HYPK: variants seen among roughly 807,000 people sequenced by gnomAD.
HYPK encodes huntingtin-interacting protein K.
HYPK carries 9 observed loss-of-function variants against 13.9 expected under a neutral mutation model. The observed-to-expected ratio is 0.65, with a 90% CI of 0.39 to 1.13. The LOEUF is 1.13. Among genes scored for constraint, HYPK ranks in the 50% most tolerant of loss-of-function variants. The probability of loss-of-function intolerance (pLI) is 0.01; values close to 1 mark genes in which losing one functional copy is unlikely to be tolerated. For missense variants in HYPK, 138 were observed against 157.6 expected (o/e 0.88, Z 0.67); for synonymous variants, 76 against 57.0 (o/e 1.33, Z -1.50).
At chr15:43,800,491 G>T (rs761400609), upstream of HYPK, 8 of 1,251,698 alleles carry the variant, frequency 6.4e-6, no homozygotes, top group Admixed American at 1.6e-4. Flanking sequence ...CTTCCTCCCT[G>T]AAGCTTCTAG....
At chr15:43,801,258 T>C (rs2087311545) in intron 2 of HYPK, 71 bp downstream of exon 2, 1 of 1,310,830 alleles carries the variant, frequency 7.6e-7, no homozygotes, top group Admixed American at 1.7e-5. Flanking sequence ...TAAAAACCAT[T>C]ATTAAGCCTT....
rs1376021388 is a variant in HYPK, at chr15:43,803,806, A to AC, written c.*2000_*2001insC. 6.6e-6 allele frequency among the ~76,000 whole-genome samples: 1 copy of AC among 151,656 alleles called. No homozygotes were observed. Among genetic ancestry groups the AC allele is most frequent in the African/African-American group, 2.4e-5 (1 of 41,206 alleles). On this transcript the variant is annotated 3_prime_UTR_variant, in exon 4 of 4. Coordinates refer to ENST00000442995, the MANE Select transcript of HYPK (RefSeq NM_016400.4). ...TCCATCTCAAAAAAAAAAAAAAAAA[A>AC]AATCAGCTTGGACCAACTCACACAT...
chr15:43,801,304 G>C (rs2087312268), intron 2 of HYPK, 117 bp downstream of exon 2: 2 of 988,528 alleles, frequency 2.0e-6, no homozygotes, highest in African/African-American at 1.6e-5. Context: ...AATTCCTGCA[G>C]ATCTAGGCGC....
intron 2 of HYPK, 148 bp downstream of exon 2, chr15:43,801,335 C>T (rs1245513268): frequency 1.7e-5 from 15 of 858,386 alleles, no homozygotes; most frequent in African/African-American, 3.4e-5. Context: ...CTCTTGTTAG[C>T]AGAAGGCCTC....
intron 1 of HYPK, 30 bp from the exon 2 acceptor site, chr15:43,801,102 G>C (rs773416848): frequency 3.5e-5 from 56 of 1,593,978 alleles, no homozygotes; most frequent in Non-Finnish European, 4.5e-5. Context: ...GTGGGTAGCG[G>C]TGCAGTAACT....
At position 43,800,795 on chromosome 15, in the gene HYPK, C is replaced by CCAA; in HGVS notation, c.162+12_162+14dup. 6.3e-7 allele frequency: 1 copy of CCAA among 1,599,062 alleles called. No homozygotes were observed. Among genetic ancestry groups the CCAA allele is most frequent in the South Asian group, 1.1e-5 (1 of 89,920 alleles). ...TCCAATCTGGAGACGGTAAGGTTGG[C>CCAA]CAAGAGCATGTCGGGGCGGGCTGAG... On this transcript the variant is annotated intron_variant, in intron 1 of 3. Transcript: ENST00000442995.
Position 43,801,729 on chromosome 15 carries a change from T to C in HYPK, c.289T>C (p.Ser97Pro), listed in dbSNP as rs12702. 180,472 of 1,613,902 alleles carry C rather than the reference T, an allele frequency of 0.11. 12,510 individuals are homozygous for C. Among genetic ancestry groups the C allele is most frequent in the African/African-American group, 0.28 (21,237 of 74,980 alleles). The change falls in exon 4 of 4, where the codon TCT (serine) becomes CCT (proline). Residue 97 changes from serine (S) to proline (P), a missense_variant. Ser to Pro is a moderately conservative substitution (Grantham distance 74). Transcript: ENST00000442995. The part of the protein sequence containing the change: ...LELIMTEMEI[S>P]RAAAERSLRE... Reference sequence around the variant, plus strand: ...TCTGCAGATGACTGAGATGGAGATATCTCGAGCAGCAGCAGAACGCAGTTT... The same window carrying C: ...TCTGCAGATGACTGAGATGGAGATACCTCGAGCAGCAGCAGAACGCAGTTT...
chr15:43,800,668 A>G lies in HYPK; in HGVS notation c.46A>G (p.Ser16Gly), dbSNP rs1013570027. The change falls in exon 1 of 4, where the codon AGT becomes GGT. Residue 16 changes from serine to glycine, a missense_variant. By Grantham distance (56) the Ser-to-Gly change is moderately conservative. Coordinates refer to ENST00000442995, the MANE Select transcript of HYPK (RefSeq NM_016400.4). ...DVELELETET[S>G]GPERPPEKPR... ...GGAGCTGGAGTTGGAGACTGAGACCAGTGGACCAGAGCGGCCTCCGGAGAA... is the reference window on the plus strand; with the variant it reads ...GGAGCTGGAGTTGGAGACTGAGACCGGTGGACCAGAGCGGCCTCCGGAGAA... 18 of 1,614,018 alleles carry G rather than the reference A, an allele frequency of 1.1e-5. No homozygotes were observed. Among genetic ancestry groups the G allele is most frequent in the East Asian group, 2.2e-5 (1 of 44,882 alleles).
In HYPK at chr15:43,802,716, A is replaced by C. The variant is rs1047859461; in HGVS notation, c.*910A>C. On this transcript the variant is annotated 3_prime_UTR_variant, in exon 4 of 4. Transcript: ENST00000442995. Reference sequence around the variant, plus strand: ...GTGAAACCCTGTCTCTACTAAAAATACAAAAAAAATAAAATTAGCCAGGCG... The same window carrying C: ...GTGAAACCCTGTCTCTACTAAAAATCCAAAAAAAATAAAATTAGCCAGGCG... The C allele has an allele frequency of 6.6e-6, 1 of 151,964 alleles. No individual in the cohort carries two copies. The highest frequency in any genetic ancestry group is 1.5e-5 in the Non-Finnish European group (1 of 68,086). The allele number at this position is 151,964 out of a possible 1,614,324, so 9.4% of individuals were successfully genotyped here. A position where few individuals can be genotyped will look rare whatever the true frequency, so the allele number is the denominator to read the frequency against.
chr15:43,801,295 A>C, intron 2 of HYPK, 108 bp downstream of exon 2: 1 of 1,041,106 alleles, frequency 9.6e-7, no homozygotes, highest in Non-Finnish European at 1.5e-6. Context: ...TTTATCACCA[A>C]TTCCTGCAGA....
chr15:43,800,999 A>G, intron 1 of HYPK, 133 bp from the exon 2 acceptor site: 1 of 914,356 alleles, frequency 1.1e-6, no homozygotes, highest in Non-Finnish European at 1.8e-6. Flanking sequence ...ATAGAATGGA[A>G]TTAAACATAG....
At position 43,803,253 on chromosome 15, in the gene HYPK, A is replaced by T. The variant is rs563278097; in HGVS notation, c.*1447A>T. Among the ~76,000 whole-genome samples, 1 of 151,364 alleles carries T rather than the reference A, an allele frequency of 6.6e-6. No homozygotes were observed. Reference sequence around the variant, plus strand: ...AAATTAAAAAAAAAAAAAGCCAGGCATGGTGGCATGTGCCTGTCTGTGGTC... The same window carrying T: ...AAATTAAAAAAAAAAAAAGCCAGGCTTGGTGGCATGTGCCTGTCTGTGGTC... On this transcript the variant is annotated 3_prime_UTR_variant, in exon 4 of 4. Coordinates refer to ENST00000442995, the MANE Select transcript of HYPK (RefSeq NM_016400.4).
Position 43,800,643 on chromosome 15 carries a change from G to A in HYPK, c.21G>A (p.Val7=). Residue 7 remains valine, a synonymous_variant, in exon 1 of 4, where the codon GTG becomes GTA. Transcript: ENST00000442995. The part of the protein sequence containing the change: MATEGD[V]ELELETETSG... ...TAGATATGGCGACCGAGGGGGATGT[G>A]GAGCTGGAGTTGGAGACTGAGACCA... The A allele has an allele frequency of 1.2e-6, 2 of 1,614,166 alleles. No homozygotes were observed. The highest frequency in any genetic ancestry group is 1.7e-6 in the Non-Finnish European group (2 of 1,180,028).
rs1272116975 is a variant in HYPK, at chr15:43,803,988, T to C, written c.*2182T>C. 2.0e-5 allele frequency among the ~76,000 whole-genome samples: 3 copies of C among 150,098 alleles called. No individual in the cohort carries two copies. ...TAACATGGTGAAACCCCGTCTCTAC[T>C]AAAAATACAAAAATTAGCCAGGCAT... is the stretch of plus-strand genomic sequence containing the variant. On this transcript the variant is annotated 3_prime_UTR_variant, in exon 4 of 4. Transcript: ENST00000442995.
Position 43,801,177 on chromosome 15 carries a change from A to G in HYPK, c.208A>G (p.Lys70Glu). The stretch of plus-strand genomic sequence containing the variant: ...CAGAAGGTCCCGGGAGCAGAAAGCC[A>G]AACAGGAGCGGTAAGTCTTCAGGGG... The part of the protein sequence containing the change: ...GDRRSREQKA[K>E]QEREKELAKV... Residue 70 changes from lysine (K) to glutamate (E), a missense_variant, in exon 2 of 4, where the codon AAA (lysine) becomes GAA (glutamate). Coordinates refer to ENST00000442995, the MANE Select transcript of HYPK (RefSeq NM_016400.4). The G allele has an allele frequency of 1.9e-6, 3 of 1,614,028 alleles. No homozygotes were observed. The highest frequency in any genetic ancestry group is 1.7e-6 in the Non-Finnish European group (2 of 1,179,924).
At chr15:43,801,645 C>A in intron 3 of HYPK, 66 bp from the exon 4 acceptor site, 1 of 1,605,588 alleles carries the variant, frequency 6.2e-7, no homozygotes, top group Non-Finnish European at 8.5e-7. Flanking sequence ...CTGAAACAAG[C>A]GGAGTCAGTA....
In HYPK at chr15:43,800,620, G is replaced by C. The variant is rs532597896; in HGVS notation, c.-3G>C. 1 of 1,614,176 alleles carries C rather than the reference G, an allele frequency of 6.2e-7. No homozygotes were observed. On this transcript the variant is annotated 5_prime_UTR_variant, in exon 1 of 4. Coordinates refer to ENST00000442995, the MANE Select transcript of HYPK (RefSeq NM_016400.4). ...GCTTATGCGGCGGCGTGGTGAAATA[G>C]ATATGGCGACCGAGGGGGATGTGGA...
rs1396423960 is a variant in HYPK at position 43,802,455 on chromosome 15, T to G, written c.*649T>G. 6.6e-6 allele frequency: 1 copy of G among 150,718 alleles called. No individual in the cohort carries two copies. The highest frequency in any genetic ancestry group is 1.5e-5 in the Non-Finnish European group (1 of 68,124). 9.3% of individuals were successfully genotyped at this position (150,718 alleles called of 1,614,324 possible). ...GGTGGGCGCCTATAATCCCAGCTAT[T>G]CTGGAGGCTGAGGCAGGAATCGCTT... is the stretch of plus-strand genomic sequence containing the variant. On this transcript the variant is annotated 3_prime_UTR_variant, in exon 4 of 4. Coordinates refer to ENST00000442995, the MANE Select transcript of HYPK (RefSeq NM_016400.4).
In HYPK at chr15:43,800,768, G is replaced by A; in HGVS notation, c.146G>A (p.Ser49Asn). The change falls in exon 1 of 4, where the codon AGT (serine) becomes AAT (asparagine). Residue 49 changes from serine (S) to asparagine (N), a missense_variant. Ser to Asn is a conservative substitution (Grantham distance 46). Coordinates refer to ENST00000442995, the MANE Select transcript of HYPK (RefSeq NM_016400.4). ...TATGCAGAGGAGAAGGAGATCCAGAGTTCCAATCTGGAGACGGTAAGGTTG... is the reference window on the plus strand; with the variant it reads ...TATGCAGAGGAGAAGGAGATCCAGAATTCCAATCTGGAGACGGTAAGGTTG... ...TDYAEEKEIQ[S>N]SNLETAMSVI... 2 of 1,611,396 alleles carry A rather than the reference G, an allele frequency of 1.2e-6. No homozygotes were observed. Among genetic ancestry groups the A allele is most frequent in the Non-Finnish European group, 1.7e-6 (2 of 1,178,416 alleles).
Sources: allele counts gnomAD v4.1 joint callset (sites outside exome capture counted in the v4.1 genomes callset), GRCh38; gene constraint gnomAD v4.1.1; transcripts MANE v1.5; gene names NCBI Gene and HGNC (gene_info 2026-07-23, HGNC 2026-07-21).